Variants in GTF2I observed in about 807,000 individuals in gnomAD.
GTF2I encodes general transcription factor IIi, also known as general transcription factor II-I.
In GTF2I, 12 loss-of-function variants were observed where a neutral mutation model predicts 67.6. That is an observed-to-expected ratio of 0.18 (90% CI 0.11 to 0.29). The LOEUF (loss-of-function observed/expected upper bound fraction) is 0.29. Among genes scored for constraint, GTF2I ranks in the 10% least tolerant of loss-of-function variants. The pLI, the probability that GTF2I is intolerant of heterozygous loss-of-function variation, is 1.00. For missense variants in GTF2I, 271 were observed against 580.1 expected, an observed-to-expected ratio of 0.47 and a Z score of 5.47; for synonymous variants, 149 against 197.0, an observed-to-expected ratio of 0.76 and a Z score of 2.04.
At chr7:74,719,919 CA>C (rs1291822406) in intron 12 of GTF2I, among the ~76,000 whole-genome samples, 3 of 148,614 alleles carry the variant, frequency 2.0e-5, no homozygotes, top group African/African-American at 4.9e-5. Flanking sequence ...AACTCCATCT[CA>C]AAAAAAAAAT....
chr7:74,689,681 A>T (rs1275057928), intron 2 of GTF2I, among the ~76,000 whole-genome samples: 1 of 150,856 alleles, frequency 6.6e-6, no homozygotes, highest in East Asian at 2.0e-4. Flanking sequence ...TTGAATAGTT[A>T]TGGGTTTAAG....
At chr7:74,728,566 AAGAC>A (rs1181618035) in intron 12 of GTF2I, 6 of 79,630 alleles carry the variant, frequency 7.5e-5, no homozygotes, top group Non-Finnish European at 1.5e-4. Context: ...ATAATGAAGA[AAGAC>A]AGAGGAAAAA....
intron 4 of GTF2I, 144 bp from the exon 5 acceptor site, chr7:74,700,103 T>C (rs1478576311): frequency 1.2e-6 from 1 of 810,118 alleles, no homozygotes; most frequent in Non-Finnish European, 1.9e-6. Flanking sequence ...CATGGGGAGA[T>C]AGAATGCTGT....
rs1046081867 is a variant in GTF2I at position 74,705,299 on chromosome 7, A to G, written c.641+81A>G. 1.6e-5 allele frequency: 13 copies of G among 835,232 alleles called. No individual in the cohort carries two copies. The Admixed American group carries it at 2.5e-4, about 16-fold the overall frequency. The allele number at this position is 835,232 out of a possible 1,614,324, so 51.7% of individuals were successfully genotyped here. On this transcript the variant is annotated intron_variant, in intron 7 of 34. Transcript: ENST00000573035. ...TGTTAGATAATTGAGATATCAGAAT[A>G]TTAAAAAGGCCTCATGTCACACATC...
At chr7:74,696,758 G>T (rs1303131564) in intron 3 of GTF2I, among the ~76,000 whole-genome samples, 1 of 151,994 alleles carries the variant, frequency 6.6e-6, no homozygotes, top group Admixed American at 6.6e-5. Flanking sequence ...GCCTCCCAAA[G>T]TGCTGGGATT....
At chr7:74,750,904 CCAA>C (rs1795787732) in intron 26 of GTF2I, among the ~76,000 whole-genome samples, 1 of 1,368 alleles carries the variant, frequency 7.3e-4, no homozygotes, top group African/African-American at 4.1e-3. Context: ...CCGCGCCCGG[CCAA>C]TGGCCACCTT....
chr7:74,703,336 C>G (rs1442144608), intron 6 of GTF2I, among the ~76,000 whole-genome samples: 1 of 151,984 alleles, frequency 6.6e-6, no homozygotes, highest in Non-Finnish European at 1.5e-5. Context: ...CTTTGAGGCA[C>G]AAACGTTTTA....
intron 1 of GTF2I, among the ~76,000 whole-genome samples, chr7:74,686,238 T>C (rs1787717145): frequency 6.6e-6 from 1 of 152,152 alleles, no homozygotes; most frequent in Non-Finnish European, 1.5e-5. Flanking sequence ...CCTCCCATCC[T>C]TTTGTTACTT....
At chr7:74,680,890 C>A (rs782201201) in intron 1 of GTF2I, among the ~76,000 whole-genome samples, 5 of 152,110 alleles carry the variant, frequency 3.3e-5, no homozygotes, top group African/African-American at 7.2e-5. Context: ...AGCAAGGACA[C>A]GGATAAATCT....
At chr7:74,703,505 G>T (rs1474990775) in intron 6 of GTF2I, among the ~76,000 whole-genome samples, 1 of 151,708 alleles carries the variant, frequency 6.6e-6, no homozygotes, top group African/African-American at 2.4e-5. Flanking sequence ...TCAGCCTCCC[G>T]AGTAGCTGGG....
At chr7:74,678,803 G>T (rs1028984182) in intron 1 of GTF2I, among the ~76,000 whole-genome samples, 1 of 151,694 alleles carries the variant, frequency 6.6e-6, no homozygotes, top group Non-Finnish European at 1.5e-5. Context: ...ACAGAGTCTC[G>T]CTCTGTCACC....
chr7:74,722,798 A>C (rs1166618399), intron 12 of GTF2I: 1 of 152,130 alleles, frequency 6.6e-6, no homozygotes, highest in Non-Finnish European at 1.5e-5. Context: ...TCTGTAATTG[A>C]GGAGGTTAGC....
Position 74,734,161 on chromosome 7 carries a change from G to A in GTF2I, c.1363+180G>A, listed in dbSNP as rs200758346. Among the ~76,000 whole-genome samples, 7 of 134,442 alleles carry A rather than the reference G, an allele frequency of 5.2e-5. No homozygotes were observed. The East Asian group carries it at 6.7e-4, about 13-fold the overall frequency. 88.2% of individuals were successfully genotyped at this position (134,442 alleles called of 152,430 possible). A position where few individuals can be genotyped will look rare whatever the true frequency, so the allele number is the denominator to read the frequency against. On this transcript the variant is annotated intron_variant, in intron 16 of 34. Coordinates refer to ENST00000573035, the MANE Select transcript of GTF2I (RefSeq NM_032999.4). ...TCTAATAATTTCTAGAAGAATAAAC[G>A]CATCTTCTTTTTATTAACCCATTGT... is the stretch of plus-strand genomic sequence containing the variant.
At chr7:74,693,073 A>ATT (rs782793831) in intron 3 of GTF2I, among the ~76,000 whole-genome samples, 1 of 144,452 alleles carries the variant, frequency 6.9e-6, no homozygotes, top group Non-Finnish European at 1.5e-5. Context: ...GGCATATCTC[A>ATT]TTTTTTTTTT....
chr7:74,690,877 C>A (rs1788227269), intron 2 of GTF2I, 96 bp from the exon 3 acceptor site: 6 of 1,119,270 alleles, frequency 5.4e-6, no homozygotes, highest in Admixed American at 5.3e-5. Context: ...AAGAGAAGTA[C>A]CTTTAAAAAA....
intron 11 of GTF2I, among the ~76,000 whole-genome samples, chr7:74,718,246 TA>T (rs1554403977): frequency 6.6e-6 from 1 of 152,240 alleles, no homozygotes. Context: ...GCAAATCAAT[TA>T]ATCTCTCAAC....
intron 1 of GTF2I, among the ~76,000 whole-genome samples, chr7:74,662,204 C>CTTTT (rs59914241): frequency 5.8e-4 from 48 of 82,578 alleles, no homozygotes; most frequent in Non-Finnish European, 8.9e-4. Flanking sequence ...TTTTTTCTTT[C>CTTTT]TTTTTTTTTT....
At chr7:74,661,407 C>T (rs1430515153) in intron 1 of GTF2I, among the ~76,000 whole-genome samples, 1 of 152,068 alleles carries the variant, frequency 6.6e-6, no homozygotes, top group Non-Finnish European at 1.5e-5. Flanking sequence ...TGGCCGGGTG[C>T]GGTGGCTCAC....
chr7:74,711,666 T>G (rs1452735141), intron 9 of GTF2I, among the ~76,000 whole-genome samples: 2 of 152,346 alleles, frequency 1.3e-5, no homozygotes, highest in Non-Finnish European at 2.9e-5. Flanking sequence ...TAAAGTCTTA[T>G]GAATGAAATA....
Sources: gnomAD v4.1 joint callset for allele counts (sites outside exome capture counted in the v4.1 genomes callset) on GRCh38, gnomAD v4.1.1 for gene constraint, MANE v1.5 for transcripts, NCBI Gene and HGNC (gene_info 2026-07-23, HGNC 2026-07-21) for gene names.